Variants in TMEM144 observed in about 807,000 individuals in gnomAD.
The protein encoded by TMEM144 is transmembrane protein 144.
TMEM144 carries 39 observed loss-of-function variants against 43.6 expected under a neutral mutation model. That is an observed-to-expected ratio of 0.90 (90% CI 0.69 to 1.17). The LOEUF (loss-of-function observed/expected upper bound fraction) is 1.17, where lower values mean the gene tolerates loss of function less well. Ranked by LOEUF, TMEM144 falls within the 50% of genes most tolerant of loss-of-function variation. The probability of loss-of-function intolerance (pLI) is 0.00; values close to 1 mark genes in which losing one functional copy is unlikely to be tolerated. For synonymous variants in TMEM144, 154 were observed against 133.6 expected (o/e 1.15, Z -1.06); for missense variants, 417 against 411.9 (o/e 1.01, Z -0.11).
In TMEM144 at chr4:158,247,555, G is replaced by T. The variant is rs116326334; in HGVS notation, c.954+3206G>T. On this transcript the variant is annotated intron_variant, in intron 12 of 12. Transcript: ENST00000296529. ...AATAAGATCATTTAGTAAGGCTTGA[G>T]ATATAAAATAAATATGAAATCAGTT... Among the ~76,000 whole-genome samples the T allele has an allele frequency of 5.5e-3, 838 of 152,024 alleles. 1 individual carries two copies. The highest frequency in any genetic ancestry group is 0.019 in the African/African-American group (804 of 41,512).
chr4:158,243,705 C>T (rs1735734866), intron 11 of TMEM144, among the ~76,000 whole-genome samples: 1 of 152,110 alleles, frequency 6.6e-6, no homozygotes, highest in Non-Finnish European at 1.5e-5. Context: ...TGCCCAGAAA[C>T]CCCTATTGTT....
rs113601797 is a variant in TMEM144, at chr4:158,247,951, A to G, written c.954+3602A>G. Among the ~76,000 whole-genome samples the G allele has an allele frequency of 5.5e-3, 838 of 151,670 alleles. 11 individuals carry two copies. Among genetic ancestry groups the G allele is most frequent in the African/African-American group, 0.019 (804 of 41,422 alleles). ...AAAAAAAAAAAGCATGACAGCACAT[A>G]TACCATATTTCTGAAATGTGCAATT... On this transcript the variant is annotated intron_variant, in intron 12 of 12. Transcript: ENST00000296529.
At chr4:158,216,272 A>G (rs1489387489) in intron 4 of TMEM144, among the ~76,000 whole-genome samples, 3 of 152,058 alleles carry the variant, frequency 2.0e-5, no homozygotes, top group African/African-American at 7.2e-5. Context: ...CCAATTTGAG[A>G]TATGTTGCAG....
Position 158,215,278 on chromosome 4 carries a change from CT to C in TMEM144, c.201del (p.Phe67LeufsTer25). On this transcript the variant is annotated frameshift_variant, in exon 4 of 13. Coordinates refer to ENST00000296529, the MANE Select transcript of TMEM144 (RefSeq NM_018342.5). LOFTEE classifies it high-confidence loss of function. ...NLILHCPKFW[P>X]FAMLGGCIWA... ...ATATTACATTGTCCAAAGTTTTGGC[CT>C]TTTGCAATGCTTGGGGGCTGCATTT... 1 of 1,613,700 alleles carries C rather than the reference CT, an allele frequency of 6.2e-7. No individual in the cohort carries two copies. The highest frequency in any genetic ancestry group is 1.1e-5 in the South Asian group (1 of 91,054).
chr4:158,241,594 A>C lies in TMEM144; in HGVS notation c.888A>C (p.Pro296=). 6.2e-7 allele frequency: 1 copy of C among 1,613,836 alleles called. No homozygotes were observed. Among genetic ancestry groups the C allele is most frequent in the South Asian group, 1.1e-5 (1 of 91,068 alleles). The change falls in exon 11 of 13, where the codon CCA becomes CCC. Residue 296 remains proline (P), a synonymous_variant. Transcript: ENST00000296529. ...NHSLSAVVSF[P]IITAGPGFIA... ...CTCTGAGTGCTGTGGTCAGTTTTCC[A>C]ATAATCACTGCTGTAAGTAGCTGAA... is the stretch of plus-strand genomic sequence containing the variant.
At chr4:158,241,329 A>AAGAGT (rs1209663867) in intron 10 of TMEM144, among the ~76,000 whole-genome samples, 180 bp from the exon 11 acceptor site, 3 of 151,868 alleles carry the variant, frequency 2.0e-5, no homozygotes, top group Non-Finnish European at 4.4e-5. Flanking sequence ...CATAGCAGGC[A>AAGAGT]AGAGTAGAGA....
intron 6 of TMEM144, among the ~76,000 whole-genome samples, chr4:158,224,196 G>A (rs1039563071): frequency 6.6e-6 from 1 of 152,114 alleles, no homozygotes; most frequent in Admixed American, 6.5e-5. Context: ...TGTTGGTCAT[G>A]CAAATGTCTT....
intron 12 of TMEM144, among the ~76,000 whole-genome samples, chr4:158,244,971 T>G (rs1167112844): frequency 6.6e-6 from 1 of 152,226 alleles, no homozygotes; most frequent in Non-Finnish European, 1.5e-5. Context: ...GAGGGAAATT[T>G]GTTTAAAATA....
intron 4 of TMEM144, 52 bp from the exon 5 acceptor site, chr4:158,217,269 A>T: frequency 7.9e-7 from 1 of 1,266,838 alleles, no homozygotes; most frequent in East Asian, 2.5e-5. Flanking sequence ...CTATTTATAA[A>T]TGTATTTTCT....
rs118172439 is a variant in TMEM144, at chr4:158,240,318, G to A, written c.702G>A (p.Ala234=). Residue 234 remains alanine, a synonymous_variant, in exon 10 of 13, where the codon GCG becomes GCA. Transcript: ENST00000296529. ...ASQYDLDYVF[A]HFSGIFLTST... is the part of the protein sequence containing the mutation. ...TTTCAGATTTAGACTATGTGTTTGCGCACTTCAGTGGCATCTTTCTTACAA... is the reference window on the plus strand; with the variant it reads ...TTTCAGATTTAGACTATGTGTTTGCACACTTCAGTGGCATCTTTCTTACAA... 9.7e-5 allele frequency: 157 copies of A among 1,612,252 alleles called. No individual in the cohort carries two copies. The highest frequency in any genetic ancestry group is 1.6e-4 in the East Asian group (7 of 44,814).
chr4:158,215,574 T>G (rs906276923), intron 4 of TMEM144, among the ~76,000 whole-genome samples: 5 of 152,236 alleles, frequency 3.3e-5, no homozygotes, highest in African/African-American at 7.2e-5. Flanking sequence ...ACATTTTAAT[T>G]ATTCTCCATC....
Position 158,212,697 on chromosome 4 carries a change from T to A in TMEM144, c.30T>A (p.Phe10Leu). The A allele has an allele frequency of 6.2e-7, 1 of 1,613,680 alleles. No homozygotes were observed. ...GCAACAATGGAGCAGACCTAACCTT[T>A]GGTTACATCTCCTGTTTTGTAGCTA... is the stretch of plus-strand genomic sequence containing the variant. MSNNGADLT[F>L]GYISCFVAIL... Residue 10 changes from phenylalanine to leucine, a missense_variant, in exon 3 of 13, where the codon TTT becomes TTA. Physicochemically the swap from Phe to Leu is conservative, Grantham distance 22. Transcript: ENST00000296529.
In TMEM144 at chr4:158,237,575, T is replaced by G. The variant is rs373232139; in HGVS notation, c.614T>G (p.Val205Gly). ...ISGVLYGSTF[V>G]PIIYIKDHSK... is the part of the protein sequence containing the mutation. The stretch of plus-strand genomic sequence containing the variant: ...GGAGTACTCTATGGATCTACATTTG[T>G]GCCAATCATCTACATCAAGGACCAC... The change falls in exon 9 of 13, where the codon GTG (valine) becomes GGG (glycine). Residue 205 changes from valine to glycine, a missense_variant. By Grantham distance (109) the Val-to-Gly change is moderately radical. Coordinates refer to ENST00000296529, the MANE Select transcript of TMEM144 (RefSeq NM_018342.5). The G allele has an allele frequency of 1.1e-4, 171 of 1,613,918 alleles. No individual in the cohort carries two copies. The highest frequency in any genetic ancestry group is 1.6e-4 in the Middle Eastern group (1 of 6,084).
At position 158,217,174 on chromosome 4, in the gene TMEM144, T is replaced by C. The variant is rs79636150; in HGVS notation, c.233-147T>C. On this transcript the variant is annotated intron_variant, in intron 4 of 12. Coordinates refer to ENST00000296529, the MANE Select transcript of TMEM144 (RefSeq NM_018342.5). ...AAATTTAATGCCAAAAATGTGGTTA[T>C]TTTACTGAAAAAATAAGGAACTGTG... The C allele has an allele frequency of 1.2e-3, 636 of 551,360 alleles. 3 individuals carry two copies. Among genetic ancestry groups the C allele is most frequent in the African/African-American group, 0.011 (601 of 52,640 alleles). The allele number at this position is 551,360 out of a possible 1,614,324, so 34.2% of individuals were successfully genotyped here.
chr4:158,215,044 A>T, intron 3 of TMEM144, 147 bp from the exon 4 acceptor site: 1 of 900,800 alleles, frequency 1.1e-6, no homozygotes, highest in Non-Finnish European at 1.7e-6. Flanking sequence ...GTTGCAGAGT[A>T]GTCATAAGAA....
Position 158,239,065 on chromosome 4 carries a change from T to G in TMEM144, c.683-1234T>G, listed in dbSNP as rs186305919. ...TTCTTTGTTTTACGATTGAGAAAATTAAGACAGAGACGTGAGATGATTTGT... is the reference window on the plus strand; with the variant it reads ...TTCTTTGTTTTACGATTGAGAAAATGAAGACAGAGACGTGAGATGATTTGT... On this transcript the variant is annotated intron_variant, in intron 9 of 12. Coordinates refer to ENST00000296529, the MANE Select transcript of TMEM144 (RefSeq NM_018342.5). Among the ~76,000 whole-genome samples, 17 of 152,304 alleles carry G rather than the reference T, an allele frequency of 1.1e-4. No individual in the cohort carries two copies. The East Asian group carries it at 3.1e-3, about 28-fold the overall frequency.
At position 158,253,450 on chromosome 4, in the gene TMEM144, C is replaced by G. The variant is rs1216940441; in HGVS notation, c.961C>G (p.Gln321Glu). The change falls in exon 13 of 13, where the codon CAA becomes GAA. Residue 321 changes from glutamine (Q) to glutamate (E), a missense_variant. Physicochemically the swap from Gln to Glu is conservative, Grantham distance 29 (BLOSUM62 2). Coordinates refer to ENST00000296529, the MANE Select transcript of TMEM144 (RefSeq NM_018342.5). ...IFMFKEIKGL[Q>E]NYLLMILAFC... ...ATTCTTTTTTCTTATTCAGGGTCTA[C>G]AAAACTACCTATTAATGATACTTGC... 6.2e-7 allele frequency: 1 copy of G among 1,612,584 alleles called. No homozygotes were observed. Among genetic ancestry groups the G allele is most frequent in the South Asian group, 1.1e-5 (1 of 90,986 alleles).
At chr4:158,214,702 A>T (rs1291528480) in intron 3 of TMEM144, among the ~76,000 whole-genome samples, 1 of 152,110 alleles carries the variant, frequency 6.6e-6, no homozygotes. Flanking sequence ...GTGACCATAA[A>T]TGGCTTTATT....
Position 158,219,358 on chromosome 4 carries a change from A to G in TMEM144, c.381A>G (p.Leu127=). The change falls in exon 6 of 13, where the codon CTA becomes CTG. Residue 127 remains leucine, a synonymous_variant. Transcript: ENST00000296529. ...CAGAAGAAGTATCAAATCCGCTGCT[A>G]AATTACATTGGAGCTGGGCTATCAG... is the stretch of plus-strand genomic sequence containing the variant. The part of the protein sequence containing the change: ...LDAEEVSNPL[L]NYIGAGLSVV... The G allele has an allele frequency of 6.2e-7, 1 of 1,613,926 alleles. No homozygotes were observed. The highest frequency in any genetic ancestry group is 8.5e-7 in the Non-Finnish European group (1 of 1,179,828).
Sources: gnomAD v4.1 joint callset for allele counts (sites outside exome capture counted in the v4.1 genomes callset) on GRCh38, gnomAD v4.1.1 for gene constraint, MANE v1.5 for transcripts, NCBI Gene and HGNC (gene_info 2026-07-23, HGNC 2026-07-21) for gene names.